The following TTYH3 variants were observed in gnomAD, a reference collection of about 807,000 sequenced individuals.
TTYH3 encodes tweety family member 3.
TTYH3 carries 23 observed loss-of-function variants against 68.2 expected under a neutral mutation model. That is an observed-to-expected ratio of 0.34 (90% CI 0.24 to 0.48). The LOEUF is 0.48. Among genes scored for constraint, TTYH3 ranks in the 20% least tolerant of loss-of-function variants. TTYH3 has a pLI of 0.99. For missense variants in TTYH3, 768 were observed against 727.7 expected, an observed-to-expected ratio of 1.06 and a Z score of -0.64; for synonymous variants, 360 against 332.8, an observed-to-expected ratio of 1.08 and a Z score of -0.89.
At chr7:2,650,113 C>T in intron 7 of TTYH3, 125 bp downstream of exon 7, 2 of 922,462 alleles carry the variant, frequency 2.2e-6, no homozygotes, top group Non-Finnish European at 3.3e-6. Flanking sequence ...AGACAGGTCC[C>T]AGGCCAAGAT....
At chr7:2,649,117 T>C (rs1210809627) in intron 5 of TTYH3, among the ~76,000 whole-genome samples, 2 of 151,988 alleles carry the variant, frequency 1.3e-5, no homozygotes, top group Non-Finnish European at 2.9e-5. Flanking sequence ...AGGCCTCAGA[T>C]GAGGGAGAGG....
intron 11 of TTYH3, among the ~76,000 whole-genome samples, chr7:2,657,859 GA>G (rs759248057): frequency 5.3e-5 from 8 of 152,240 alleles, no homozygotes; most frequent in Non-Finnish European, 8.8e-5. Context: ...GTGGAAGACA[GA>G]AAGCCAGAGG....
At chr7:2,643,465 G>A (rs750191327) in intron 1 of TTYH3, among the ~76,000 whole-genome samples, 4 of 151,996 alleles carry the variant, frequency 2.6e-5, no homozygotes, top group Admixed American at 6.6e-5. Context: ...GTTCACTTAC[G>A]ATGATGCTGA....
In TTYH3 at chr7:2,647,414, G is replaced by C; in HGVS notation, c.406-4G>C. ...CCAGCCTCACGCCCGCGGGTCCGGC[G>C]CAGGTGTGGGACACGGCGGTGGGGC... is the stretch of plus-strand genomic sequence containing the variant. On this transcript the variant is annotated splice_region_variant and splice_polypyrimidine_tract_variant and intron_variant, in intron 3 of 13. Transcript: ENST00000258796. The C allele has an allele frequency of 6.7e-7, 1 of 1,495,668 alleles. No homozygotes were observed. The highest frequency in any genetic ancestry group is 8.9e-7 in the Non-Finnish European group (1 of 1,126,672). 92.6% of individuals were successfully genotyped at this position (1,495,668 alleles called of 1,614,324 possible).
chr7:2,651,856 C>T (rs552739110), intron 7 of TTYH3, among the ~76,000 whole-genome samples: 10 of 152,274 alleles, frequency 6.6e-5, no homozygotes, highest in African/African-American at 2.4e-4. Context: ...GGAGCCCAGA[C>T]CCCACTGCCA....
At chr7:2,642,537 C>CAAAAAA (rs34165282) in intron 1 of TTYH3, among the ~76,000 whole-genome samples, 6 of 57,488 alleles carry the variant, frequency 1.0e-4, no homozygotes, top group African/African-American at 1.8e-4. Flanking sequence ...GACTCTGTCT[C>CAAAAAA]AAAAAAAAAA....
intron 1 of TTYH3, among the ~76,000 whole-genome samples, chr7:2,640,366 C>T (rs1056071063): frequency 6.6e-5 from 10 of 151,968 alleles, no homozygotes; most frequent in African/African-American, 2.4e-5. Context: ...CAGCTGCTCC[C>T]AGGCGTGTGC....
Position 2,645,932 on chromosome 7 carries a change from G to T in TTYH3, c.124-921G>T, listed in dbSNP as rs1321082451. 2 of 457,082 alleles carry T rather than the reference G, an allele frequency of 4.4e-6. No individual in the cohort carries two copies. Among genetic ancestry groups the T allele is most frequent in the Non-Finnish European group, 9.1e-6 (2 of 219,150 alleles). The allele number at this position is 457,082 out of a possible 1,614,324, so 28.3% of individuals were successfully genotyped here. A position where few individuals can be genotyped will look rare whatever the true frequency, so the allele number is the denominator to read the frequency against. ...AGACGGGGACGGGCTCTGGGGTCCTGGGGCTGTCTCGGGCTGGGGGTGAGG... is the reference window on the plus strand; with the variant it reads ...AGACGGGGACGGGCTCTGGGGTCCTTGGGCTGTCTCGGGCTGGGGGTGAGG... On this transcript the variant is annotated intron_variant, in intron 1 of 13. Transcript: ENST00000258796. The surrounding 1 kb of genome is among the most constrained non-coding windows in gnomAD (Gnocchi z 4.8).
chr7:2,651,587 C>A (rs1338860830), intron 7 of TTYH3, among the ~76,000 whole-genome samples: 1 of 152,198 alleles, frequency 6.6e-6, no homozygotes, highest in Non-Finnish European at 1.5e-5. Flanking sequence ...TGTACATGTA[C>A]ACACGTAAGT....
chr7:2,656,299 G>C (rs569399711), intron 10 of TTYH3, 99 bp from the exon 11 acceptor site: 97 of 1,563,376 alleles, frequency 6.2e-5, no homozygotes, highest in Middle Eastern at 5.1e-4. Context: ...CCCTGCCTCT[G>C]GGGGGCGGTC....
At chr7:2,653,351 A>G (rs1038292351) in intron 9 of TTYH3, among the ~76,000 whole-genome samples, 1 of 152,154 alleles carries the variant, frequency 6.6e-6, no homozygotes, top group African/African-American at 2.4e-5. Context: ...ACCACACCCA[A>G]CGTTTAAAAA....
chr7:2,654,146 G>A lies in TTYH3; in HGVS notation c.1020+1136G>A, dbSNP rs562555915. Among the ~76,000 whole-genome samples, 4 of 152,318 alleles carry A rather than the reference G, an allele frequency of 2.6e-5. No homozygotes were observed. The South Asian group carries it at 8.3e-4, about 32-fold the overall frequency. Reference sequence around the variant, plus strand: ...CACGGCACTCATGCCTGTCATCTCAGCACTCTGGGGGGCTGAGGCAAGGGG... The same window carrying A: ...CACGGCACTCATGCCTGTCATCTCAACACTCTGGGGGGCTGAGGCAAGGGG... On this transcript the variant is annotated intron_variant, in intron 9 of 13. Coordinates refer to ENST00000258796, the MANE Select transcript of TTYH3 (RefSeq NM_025250.3).
At position 2,645,673 on chromosome 7, in the gene TTYH3, C is replaced by T. The variant is rs1378071427; in HGVS notation, c.124-1180C>T. 7 of 410,536 alleles carry T rather than the reference C, an allele frequency of 1.7e-5. No individual in the cohort carries two copies. Among genetic ancestry groups the T allele is most frequent in the Non-Finnish European group, 3.6e-5 (7 of 196,734 alleles). The allele number at this position is 410,536 out of a possible 1,614,324, so 25.4% of individuals were successfully genotyped here. ...CACCATCTCATCCAGCGTGGGGGCA[C>T]GCCATGGACGGTGCCCACCCCTGAG... is the stretch of plus-strand genomic sequence containing the variant. On this transcript the variant is annotated intron_variant, in intron 1 of 13. Coordinates refer to ENST00000258796, the MANE Select transcript of TTYH3 (RefSeq NM_025250.3). The surrounding 1 kb of genome is among the most constrained non-coding windows in gnomAD (Gnocchi z 4.8).
rs762526620 is a variant in TTYH3 at position 2,658,384 on chromosome 7, G to A, written c.1349G>A (p.Gly450Asp). ...RVHMPSLYSC[G>D]SSYGSETSIP... ...CACATGCCCAGCCTGTACAGCTGTGGCAGCAGCTACGGCAGTGAGACCAGC... is the reference window on the plus strand; with the variant it reads ...CACATGCCCAGCCTGTACAGCTGTGACAGCAGCTACGGCAGTGAGACCAGC... Residue 450 changes from glycine to aspartate, a missense_variant, in exon 12 of 14, where the codon GGC (glycine) becomes GAC (aspartate). Transcript: ENST00000258796. 2.5e-6 allele frequency: 4 copies of A among 1,612,058 alleles called. No individual in the cohort carries two copies. The highest frequency in any genetic ancestry group is 3.3e-5 in the Admixed American group (2 of 59,988).
At chr7:2,647,759 C>T in intron 4 of TTYH3, 121 bp downstream of exon 4, 2 of 1,187,002 alleles carry the variant, frequency 1.7e-6, no homozygotes, top group African/African-American at 3.0e-5. Context: ...CCCAGGGCCA[C>T]TGGAGGTCAC....
In TTYH3 at chr7:2,661,656, G is replaced by T. The variant is rs765267444; in HGVS notation, c.1501-12G>T. On this transcript the variant is annotated splice_polypyrimidine_tract_variant and intron_variant, in intron 13 of 13. Coordinates refer to ENST00000258796, the MANE Select transcript of TTYH3 (RefSeq NM_025250.3). The stretch of plus-strand genomic sequence containing the variant: ...GGGGCCCTGCTGATGCCTCCCCCTT[G>T]TCTCCCTCCAGTACACCTCCAGCAT... The T allele has an allele frequency of 2.5e-6, 4 of 1,611,520 alleles. No homozygotes were observed. In the South Asian group the frequency reaches 3.3e-5, roughly 13 times the overall value.
intron 9 of TTYH3, among the ~76,000 whole-genome samples, chr7:2,653,400 T>C (rs1360429045): frequency 6.6e-6 from 1 of 152,222 alleles, no homozygotes; most frequent in East Asian, 1.9e-4. Flanking sequence ...ACAAGCTCTT[T>C]ATATTTAAAA....
chr7:2,639,208 C>G (rs1015603337), intron 1 of TTYH3, among the ~76,000 whole-genome samples: 3 of 152,234 alleles, frequency 2.0e-5, no homozygotes, highest in Non-Finnish European at 4.4e-5. Context: ...CCCACTCCCA[C>G]CTCTCGCCTG....
At position 2,642,583 on chromosome 7, in the gene TTYH3, C is replaced by A. The variant is rs1475143098; in HGVS notation, c.124-4270C>A. Among the ~76,000 whole-genome samples, 3 of 149,872 alleles carry A rather than the reference C, an allele frequency of 2.0e-5. No individual in the cohort carries two copies. In the East Asian group the frequency reaches 5.9e-4, roughly 29 times the overall value. ...AAGAAAGAAAGAAAAAGAAAATTAGCCAGGCGTGGTGATATGTGCCTGTGG... is the reference window on the plus strand; with the variant it reads ...AAGAAAGAAAGAAAAAGAAAATTAGACAGGCGTGGTGATATGTGCCTGTGG... On this transcript the variant is annotated intron_variant, in intron 1 of 13. Transcript: ENST00000258796.
Sources: allele counts gnomAD v4.1 joint callset (sites outside exome capture counted in the v4.1 genomes callset), GRCh38; gene constraint gnomAD v4.1.1; non-coding constraint Gnocchi (gnomAD v3.1); transcripts MANE v1.5; gene names NCBI Gene and HGNC (gene_info 2026-07-23, HGNC 2026-07-21).